The following RNF216 variants were observed in gnomAD, a reference collection of about 807,000 sequenced individuals.
RNF216 encodes ring finger protein 216.
In RNF216, 72 loss-of-function variants were observed where a neutral mutation model predicts 110.8. That is an observed-to-expected ratio of 0.65 (90% CI 0.54 to 0.79). The LOEUF is 0.79. Among genes scored for constraint, RNF216 ranks in the 30% least tolerant of loss-of-function variants. The pLI is 0.00. For synonymous variants in RNF216, 495 were observed against 407.5 expected, an observed-to-expected ratio of 1.21 and a Z score of -2.59; for missense variants, 1,342 against 1,141.2, an observed-to-expected ratio of 1.18 and a Z score of -2.54.
At chr7:5,671,731 G>C (rs1414805326) in intron 13 of RNF216, among the ~76,000 whole-genome samples, 2 of 148,474 alleles carry the variant, frequency 1.3e-5, no homozygotes, top group Non-Finnish European at 3.0e-5. Flanking sequence ...CTTCAAACTG[G>C]AAGGCGGAGG....
At chr7:5,749,003 G>A (rs1441314438) in intron 3 of RNF216, among the ~76,000 whole-genome samples, 4 of 152,046 alleles carry the variant, frequency 2.6e-5, no homozygotes, top group African/African-American at 9.7e-5. Context: ...CTGATAATCG[G>A]TTTAAGGAAA....
intron 15 of RNF216, among the ~76,000 whole-genome samples, chr7:5,632,806 C>G (rs1046660393): frequency 6.6e-6 from 1 of 152,078 alleles, no homozygotes; most frequent in African/African-American, 2.4e-5. Context: ...CCTCCAGTGC[C>G]CCATCGCTAC....
chr7:5,720,885 G>A (rs764071175), intron 9 of RNF216, 148 bp downstream of exon 9: 2 of 682,484 alleles, frequency 2.9e-6, no homozygotes, highest in Admixed American at 3.0e-5. Context: ...ACAAAATCCA[G>A]GTTTTTTCTT....
intron 1 of RNF216, among the ~76,000 whole-genome samples, chr7:5,771,862 T>A (rs1796512601): frequency 6.6e-6 from 1 of 151,880 alleles, no homozygotes; most frequent in African/African-American, 2.4e-5. Context: ...AACGGCTGAG[T>A]ACCCCGAGGA....
chr7:5,702,610 G>A (rs958978489), intron 13 of RNF216, among the ~76,000 whole-genome samples: 1 of 152,118 alleles, frequency 6.6e-6, no homozygotes, highest in African/African-American at 2.4e-5. Context: ...TCTACTCTAT[G>A]CTGTATTTAC....
chr7:5,629,194 CAAA>C (rs112745079), intron 15 of RNF216, among the ~76,000 whole-genome samples: 5 of 82,942 alleles, frequency 6.0e-5, no homozygotes, highest in Admixed American at 1.4e-4. Context: ...GACTCTGTCT[CAAA>C]AAAAAAAAAA....
chr7:5,730,881 A>C (rs1364274776), intron 5 of RNF216, 64 bp from the exon 6 acceptor site: 8 of 1,578,042 alleles, frequency 5.1e-6, no homozygotes, highest in Non-Finnish European at 6.9e-6. Context: ...CATTGCTTCA[A>C]ATGCAATGGT....
intron 3 of RNF216, among the ~76,000 whole-genome samples, chr7:5,746,280 G>T (rs1409855564): frequency 6.6e-6 from 1 of 152,140 alleles, no homozygotes; most frequent in Non-Finnish European, 1.5e-5. Flanking sequence ...CTGGGCTATG[G>T]CAGGGCACAG....
intron 13 of RNF216, among the ~76,000 whole-genome samples, chr7:5,681,322 C>G (rs1244332853): frequency 6.6e-6 from 1 of 152,200 alleles, no homozygotes; most frequent in East Asian, 1.9e-4. Context: ...CATCATTTAC[C>G]TGTTTTAGGA....
intron 1 of RNF216, among the ~76,000 whole-genome samples, chr7:5,775,969 A>G (rs1796753119): frequency 6.6e-6 from 1 of 152,160 alleles, no homozygotes; most frequent in African/African-American, 2.4e-5. Flanking sequence ...TCTTCCCAGC[A>G]TGTTTTTAAA....
At chr7:5,709,510 C>T (rs775734161) in intron 13 of RNF216, among the ~76,000 whole-genome samples, 2 of 152,226 alleles carry the variant, frequency 1.3e-5, no homozygotes, top group African/African-American at 4.8e-5. Flanking sequence ...CTACCCCACA[C>T]CACATGCCTT....
At chr7:5,740,104 C>CTTTTTTTT (rs71004698) in intron 4 of RNF216, among the ~76,000 whole-genome samples, 15 of 118,500 alleles carry the variant, frequency 1.3e-4, no homozygotes, top group East Asian at 2.4e-4. Flanking sequence ...GATGTAACAC[C>CTTTTTTTT]TTTTTTTTTT....
chr7:5,732,965 A>G (rs1562441360), intron 5 of RNF216: 1 of 152,198 alleles, frequency 6.6e-6, no homozygotes. Flanking sequence ...GCCAAAGTAG[A>G]TTACCTGCCA....
chr7:5,707,801 G>T (rs563682159), intron 13 of RNF216, among the ~76,000 whole-genome samples: 73 of 133,298 alleles, frequency 5.5e-4, no homozygotes, highest in Non-Finnish European at 9.0e-4. Flanking sequence ...TCTGCTCACC[G>T]CAACCTCCAC....
intron 13 of RNF216, among the ~76,000 whole-genome samples, chr7:5,697,362 A>C (rs746830827): frequency 6.6e-6 from 1 of 152,174 alleles, no homozygotes; most frequent in Non-Finnish European, 1.5e-5. Flanking sequence ...TGCTCAATAC[A>C]TATCTGCTGA....
chr7:5,722,894 C>T (rs779557968), intron 8 of RNF216, among the ~76,000 whole-genome samples: 5 of 151,644 alleles, frequency 3.3e-5, no homozygotes, highest in South Asian at 2.1e-4. Context: ...CAGCTACTTG[C>T]GAGGCTGAGG....
In RNF216 at chr7:5,620,911, C is replaced by G. The variant is rs1176711004; in HGVS notation, c.*1949G>C. 6.6e-6 allele frequency: 1 copy of G among 152,276 alleles called. No individual in the cohort carries two copies. Among genetic ancestry groups the G allele is most frequent in the Non-Finnish European group, 1.5e-5 (1 of 68,072 alleles). The allele number at this position is 152,276 out of a possible 1,614,324, so 9.4% of individuals were successfully genotyped here. On this transcript the variant is annotated 3_prime_UTR_variant, in exon 17 of 17. Transcript: ENST00000389902. ...CAGCCGCCCTCTGCTCCCAGAGATC[C>G]TCCCTGGGGAAGCACAGGGAGCATA...
intron 15 of RNF216, among the ~76,000 whole-genome samples, chr7:5,630,174 C>A (rs1188046635): frequency 6.6e-6 from 1 of 152,078 alleles, no homozygotes; most frequent in Non-Finnish European, 1.5e-5. Flanking sequence ...AAACAGGAAA[C>A]CCTGGTGGTA....
At chr7:5,686,269 T>C (rs188337419) in intron 13 of RNF216, among the ~76,000 whole-genome samples, 12 of 146,034 alleles carry the variant, frequency 8.2e-5, no homozygotes, top group African/African-American at 3.0e-4. Context: ...TTCTCCAAAC[T>C]CTCAAGAACA....
Sources: gnomAD v4.1 joint callset for allele counts (sites outside exome capture counted in the v4.1 genomes callset) on GRCh38, gnomAD v4.1.1 for gene constraint, MANE v1.5 for transcripts, NCBI Gene and HGNC (gene_info 2026-07-23, HGNC 2026-07-21) for gene names.